SESN2: variants seen among roughly 807,000 people sequenced by gnomAD.
SESN2 encodes the protein sestrin-2.
Under a neutral mutation model 56.0 loss-of-function variants are expected in SESN2, and 42 were observed. The observed-to-expected ratio is 0.75, with a 90% CI of 0.59 to 0.97. The LOEUF is 0.97. Among genes scored for constraint, SESN2 ranks in the 50% least tolerant of loss-of-function variants. The pLI, the probability that SESN2 is intolerant of heterozygous loss-of-function variation, is 0.00. For synonymous variants in SESN2, 264 were observed against 267.1 expected (o/e 0.99, Z 0.11); for missense variants, 507 against 649.4 (o/e 0.78, Z 2.38).
chr1:28,260,727 C>G (rs1354446347), intron 1 of SESN2, among the ~76,000 whole-genome samples: 1 of 151,576 alleles, frequency 6.6e-6, no homozygotes, highest in Non-Finnish European at 1.5e-5. Flanking sequence ...ATTCGCATCC[C>G]GGCATAGCCC....
At chr1:28,272,103 G>A (rs1647799332) in intron 3 of SESN2, among the ~76,000 whole-genome samples, 181 bp from the exon 4 acceptor site, 1 of 152,172 alleles carries the variant, frequency 6.6e-6, no homozygotes, top group African/African-American at 2.4e-5. Context: ...TTGGCAAACT[G>A]AGGTGCAAAA....
In SESN2 at chr1:28,280,986, C is replaced by T; in HGVS notation, c.*184C>T. ...TGGAATGGACAGTTCATTGCACTGA[C>T]TCTGGGATCTCAGCCCTGCTCCTGG... On this transcript the variant is annotated 3_prime_UTR_variant, in exon 10 of 10. Transcript: ENST00000253063. The T allele has an allele frequency of 1.8e-6, 1 of 561,008 alleles. No individual in the cohort carries two copies. 34.8% of individuals were successfully genotyped at this position (561,008 alleles called of 1,614,324 possible).
chr1:28,275,126 A>G (rs959231431), intron 8 of SESN2, 111 bp downstream of exon 8: 5 of 771,532 alleles, frequency 6.5e-6, no homozygotes, highest in Admixed American at 6.4e-5. Context: ...CTTCTTGCCT[A>G]TACTGTTTTT....
intron 1 of SESN2, among the ~76,000 whole-genome samples, chr1:28,260,475 T>C (rs1177798931): frequency 6.6e-6 from 1 of 152,064 alleles, no homozygotes; most frequent in East Asian, 1.9e-4. Flanking sequence ...CCTCATCCTA[T>C]GTCCACCGCA....
intron 1 of SESN2, among the ~76,000 whole-genome samples, chr1:28,262,347 C>G (rs1034925801): frequency 1.8e-4 from 28 of 152,130 alleles, no homozygotes; most frequent in African/African-American, 6.5e-4. Context: ...ATTGGGCTCC[C>G]GAATAACTTT....
intron 5 of SESN2, 52 bp from the exon 6 acceptor site, chr1:28,273,306 C>T: frequency 6.7e-7 from 1 of 1,498,444 alleles, no homozygotes; most frequent in East Asian, 2.3e-5. Flanking sequence ...GTGGAGCTTC[C>T]CAGAGGCTGA....
chr1:28,278,346 A>G (rs1020420616), intron 8 of SESN2, among the ~76,000 whole-genome samples: 3 of 152,156 alleles, frequency 2.0e-5, no homozygotes, highest in African/African-American at 7.2e-5. Flanking sequence ...AGGCAGGCGG[A>G]TCATGAGGTC....
intron 8 of SESN2, among the ~76,000 whole-genome samples, chr1:28,278,251 C>G (rs1186767901): frequency 6.6e-6 from 1 of 152,172 alleles, no homozygotes; most frequent in Non-Finnish European, 1.5e-5. Flanking sequence ...GTTATGGCCC[C>G]TGAGCTAGGC....
intron 3 of SESN2, 98 bp downstream of exon 3, chr1:28,271,969 C>A: frequency 8.3e-7 from 1 of 1,207,614 alleles, no homozygotes; most frequent in Non-Finnish European, 1.2e-6. Context: ...ATTCCATAGA[C>A]AAGCAGGGAA....
At chr1:28,265,758 C>G (rs1647539226) in intron 1 of SESN2, among the ~76,000 whole-genome samples, 1 of 152,106 alleles carries the variant, frequency 6.6e-6, no homozygotes, top group Non-Finnish European at 1.5e-5. Flanking sequence ...TTCCTAGCCT[C>G]AGGTGATCCT....
chr1:28,272,659 T>A lies in SESN2; in HGVS notation c.616T>A (p.Ser206Thr). ...TCTGGTCCTGCTCACCCACTGCCACTCGCTCTCCTCCTTCGTGTTTGGCTG... is the reference window on the plus strand; with the variant it reads ...TCTGGTCCTGCTCACCCACTGCCACACGCTCTCCTCCTTCGTGTTTGGCTG... ...QALVLLTHCH[S>T]LSSFVFGCGI... Residue 206 changes from serine (S) to threonine (T), a missense_variant, in exon 5 of 10, where the codon TCG becomes ACG. Ser to Thr is a moderately conservative substitution (Grantham distance 58). Transcript: ENST00000253063. The A allele has an allele frequency of 6.2e-7, 1 of 1,614,062 alleles. No individual in the cohort carries two copies. The highest frequency in any genetic ancestry group is 8.5e-7 in the Non-Finnish European group (1 of 1,179,996).
At chr1:28,263,488 T>C (rs1647454038) in intron 1 of SESN2, among the ~76,000 whole-genome samples, 1 of 152,046 alleles carries the variant, frequency 6.6e-6, no homozygotes, top group Non-Finnish European at 1.5e-5. Flanking sequence ...TGAATTCAGC[T>C]GGGGGTGAGG....
At position 28,274,952 on chromosome 1, in the gene SESN2, G is replaced by A. The variant is rs375196432; in HGVS notation, c.1148G>A (p.Gly383Asp). 3.1e-6 allele frequency: 5 copies of A among 1,614,210 alleles called. No homozygotes were observed. Among genetic ancestry groups the A allele is most frequent in the Middle Eastern group, 1.6e-4 (1 of 6,062 alleles). The change falls in exon 8 of 10, where the codon GGT becomes GAT. Residue 383 changes from glycine (G) to aspartate (D), a missense_variant. Transcript: ENST00000253063. ...TACAATACCATCGCCATGCACAGTG[G>A]TGTGGACACCTCCGTGCTCCGCAGG... ...LTYNTIAMHS[G>D]VDTSVLRRAI...
In SESN2 at chr1:28,274,080, C is replaced by A; in HGVS notation, c.942C>A (p.Cys314Ter). The part of the protein sequence containing the change: ...LEPSPHPDML[C>*]FVEDPTFGYE... ...CCTCTCCACACCCAGACATGCTGTG[C>A]TTTGTGGAAGACCCTACTTTCGGAT... The change falls in exon 7 of 10, where the codon TGC becomes TGA. Residue 314 changes from cysteine to a stop codon, truncating the protein, a stop_gained. Transcript: ENST00000253063. LOFTEE classifies it high-confidence loss of function. The A allele has an allele frequency of 6.2e-7, 1 of 1,614,118 alleles. No homozygotes were observed. Among genetic ancestry groups the A allele is most frequent in the Non-Finnish European group, 8.5e-7 (1 of 1,179,984 alleles).
chr1:28,270,884 AAG>A (rs1647748947), intron 2 of SESN2, among the ~76,000 whole-genome samples: 1 of 152,124 alleles, frequency 6.6e-6, no homozygotes, highest in South Asian at 2.1e-4. Flanking sequence ...TTTTATAATA[AAG>A]AGAAGAAACA....
chr1:28,276,435 C>T (rs116251265), intron 8 of SESN2, among the ~76,000 whole-genome samples: 1,761 of 151,310 alleles, frequency 0.012, 31 homozygotes, highest in African/African-American at 0.04. Flanking sequence ...GCCATGAATG[C>T]ACCACTGCAC....
At chr1:28,278,819 A>G (rs1433016028) in intron 8 of SESN2, among the ~76,000 whole-genome samples, 1 of 152,168 alleles carries the variant, frequency 6.6e-6, no homozygotes, top group African/African-American at 2.4e-5. Context: ...TCATGTACAC[A>G]GTAGTGTAGA....
At chr1:28,264,971 T>C (rs1647506686) in intron 1 of SESN2, among the ~76,000 whole-genome samples, 1 of 152,186 alleles carries the variant, frequency 6.6e-6, no homozygotes, top group African/African-American at 2.4e-5. Context: ...TGGGGAATCA[T>C]TTCTGCACTT....
At chr1:28,273,704 G>T (rs922451409) in intron 6 of SESN2, among the ~76,000 whole-genome samples, 196 bp downstream of exon 6, 5 of 152,206 alleles carry the variant, frequency 3.3e-5, no homozygotes, top group Non-Finnish European at 7.3e-5. Context: ...GACCACTGAC[G>T]AGTCACTTCC....
Sources: gnomAD v4.1 joint callset for allele counts (sites outside exome capture counted in the v4.1 genomes callset) on GRCh38, gnomAD v4.1.1 for gene constraint, MANE v1.5 for transcripts, NCBI Gene and HGNC (gene_info 2026-07-23, HGNC 2026-07-21) for gene names.